IMMP2L: variants seen among roughly 807,000 people sequenced by gnomAD.
IMMP2L encodes inner mitochondrial membrane peptidase subunit 2.
IMMP2L carries 18 observed loss-of-function variants against 19.3 expected under a neutral mutation model. That is an observed-to-expected ratio of 0.93 (90% CI 0.64 to 1.38). The LOEUF is 1.38. IMMP2L is among the 40% of genes most tolerant of loss of function. The probability of loss-of-function intolerance (pLI) is 0.00; values close to 1 mark genes in which losing one functional copy is unlikely to be tolerated. For synonymous variants in IMMP2L, 76 were observed against 73.0 expected (o/e 1.04, Z -0.21); for missense variants, 233 against 218.2 (o/e 1.07, Z -0.43).
intron 3 of IMMP2L, among the ~76,000 whole-genome samples, chr7:111,030,979 C>T (rs1490558133): frequency 6.9e-6 from 1 of 145,136 alleles, no homozygotes; most frequent in African/African-American, 2.5e-5. Context: ...AGGATGGGAA[C>T]CAGATTTCTC....
At chr7:110,838,239 A>G (rs1240442667) in intron 5 of IMMP2L, among the ~76,000 whole-genome samples, 2 of 152,140 alleles carry the variant, frequency 1.3e-5, no homozygotes, top group African/African-American at 2.4e-5. Context: ...AATAATATAC[A>G]TGTTCTACTA....
intron 3 of IMMP2L, among the ~76,000 whole-genome samples, chr7:111,236,744 C>T (rs1814368614): frequency 6.6e-6 from 1 of 152,112 alleles, no homozygotes; most frequent in Non-Finnish European, 1.5e-5. Context: ...CCTAGACTAC[C>T]AACATTCACC....
Position 110,877,928 on chromosome 7 carries a change from A to T in IMMP2L, c.408+8665T>A, listed in dbSNP as rs1809244561. Among the ~76,000 whole-genome samples, 1 of 152,168 alleles carries T rather than the reference A, an allele frequency of 6.6e-6. No individual in the cohort carries two copies. The highest frequency in any genetic ancestry group is 1.5e-5 in the Non-Finnish European group (1 of 68,024). On this transcript the variant is annotated intron_variant, in intron 5 of 5. Coordinates refer to ENST00000405709, the MANE Select transcript of IMMP2L (RefSeq NM_032549.4). This position sits in a 1 kb window ranked among gnomAD's most constrained non-coding sequence, Gnocchi z 4.0. ...TAAAAATAAAAAACAAAAAACAAAA[A>T]GCACAATGGATTGATTCCAAATGCC...
intron 3 of IMMP2L, among the ~76,000 whole-genome samples, chr7:110,984,141 T>C (rs1005691354): frequency 1.3e-5 from 2 of 152,014 alleles, no homozygotes; most frequent in African/African-American, 4.8e-5. Flanking sequence ...TGCAGACACA[T>C]GGGTTAGTCA....
chr7:111,497,975 T>A (rs537499858), intron 2 of IMMP2L, among the ~76,000 whole-genome samples: 1 of 152,064 alleles, frequency 6.6e-6, no homozygotes, highest in Admixed American at 6.6e-5. Context: ...TTCTATGTTT[T>A]CTAAGTTTTT....
At chr7:110,786,096 A>G (rs923236071) in intron 5 of IMMP2L, among the ~76,000 whole-genome samples, 3 of 151,980 alleles carry the variant, frequency 2.0e-5, no homozygotes, top group African/African-American at 7.2e-5. Context: ...TTAACAATAA[A>G]TATTATAAAG....
chr7:111,393,987 T>C (rs1265795571), intron 3 of IMMP2L, among the ~76,000 whole-genome samples: 1 of 152,168 alleles, frequency 6.6e-6, no homozygotes, highest in Non-Finnish European at 1.5e-5. Context: ...ATAAACTTTT[T>C]AAAAACTGAT....
chr7:110,830,872 A>G (rs1030331439), intron 5 of IMMP2L, among the ~76,000 whole-genome samples: 2 of 152,206 alleles, frequency 1.3e-5, no homozygotes, highest in Non-Finnish European at 2.9e-5. Context: ...CCATTACAGT[A>G]TATGTACAAT....
intron 5 of IMMP2L, among the ~76,000 whole-genome samples, chr7:110,784,127 C>A (rs1799917609): frequency 1.3e-5 from 2 of 151,872 alleles, no homozygotes; most frequent in African/African-American, 4.8e-5. Flanking sequence ...AACAAGAATA[C>A]AATAAGTAAT....
rs799624 is a variant in IMMP2L, at chr7:110,870,982, C to T, written c.408+15611G>A. 0.61 allele frequency among the ~76,000 whole-genome samples: 92,361 copies of T among 151,784 alleles called. 29,993 individuals carry two copies. Among genetic ancestry groups the T allele is most frequent in the East Asian group, 0.84 (4,309 of 5,118 alleles). The stretch of plus-strand genomic sequence containing the variant: ...AGCATGCAGCCCAGTTAGGAGGCCC[C>T]TGATGACCTGAATCAGTGAGGCAGC... On this transcript the variant is annotated intron_variant, in intron 5 of 5. Transcript: ENST00000405709. The surrounding 1 kb of genome is among the most constrained non-coding windows in gnomAD (Gnocchi z 4.2).
chr7:111,428,347 C>T (rs1836287030), intron 3 of IMMP2L, among the ~76,000 whole-genome samples: 1 of 151,338 alleles, frequency 6.6e-6, no homozygotes. Context: ...TAGGGGGTTT[C>T]AATTGTAATT....
chr7:110,813,038 G>A (rs1562991985), intron 5 of IMMP2L, among the ~76,000 whole-genome samples: 1 of 152,000 alleles, frequency 6.6e-6, no homozygotes, highest in Non-Finnish European at 1.5e-5. Flanking sequence ...CTGAATTAGA[G>A]TTACGAGGAA....
chr7:110,944,469 G>GTGTGTGTGTGCGCGTGTGTGTGCGCGCA (rs1328130247), intron 4 of IMMP2L, among the ~76,000 whole-genome samples: 2,089 of 151,706 alleles, frequency 0.014, 26 homozygotes, highest in Non-Finnish European at 0.021. Context: ...GTGTGCGCGC[G>GTGTGTGTGTGCGCGTGTGTGTGCGCGCA]CACGTGTGTG....
intron 3 of IMMP2L, among the ~76,000 whole-genome samples, chr7:111,063,854 C>T (rs931207523): frequency 2.0e-5 from 3 of 152,178 alleles, no homozygotes. Flanking sequence ...ATATCACTAT[C>T]AGGATTTTTG....
rs37749 is a variant in IMMP2L at position 111,280,246 on chromosome 7, G to C, written c.239+206992C>G. Among the ~76,000 whole-genome samples the C allele has an allele frequency of 1.5e-3, 223 of 151,930 alleles. 6 individuals carry two copies. In the East Asian group the frequency reaches 0.035, roughly 24 times the overall value. On this transcript the variant is annotated intron_variant, in intron 3 of 5. Coordinates refer to ENST00000405709, the MANE Select transcript of IMMP2L (RefSeq NM_032549.4). ...GCATGCCAAGCTCTTCCCTATTCCC[G>C]GGACGTCACATTTGTTGTTCCCTCT...
chr7:111,023,222 T>C (rs1313223917), intron 3 of IMMP2L, among the ~76,000 whole-genome samples: 3 of 152,208 alleles, frequency 2.0e-5, no homozygotes, highest in Non-Finnish European at 4.4e-5. Flanking sequence ...TAAGGGATTA[T>C]TGAAAGTAAG....
intron 3 of IMMP2L, among the ~76,000 whole-genome samples, chr7:111,482,476 C>T (rs1842276684): frequency 6.6e-6 from 1 of 152,072 alleles, no homozygotes; most frequent in Non-Finnish European, 1.5e-5. Flanking sequence ...AGCCCCCCAT[C>T]GTCCTTCCTT....
intron 3 of IMMP2L, among the ~76,000 whole-genome samples, chr7:111,161,377 C>T (rs1805246749): frequency 2.6e-5 from 4 of 151,824 alleles, no homozygotes; most frequent in Admixed American, 6.6e-5. Context: ...TACATAAAAA[C>T]ATTTCTACTG....
chr7:111,391,159 G>A (rs111590844), intron 3 of IMMP2L, among the ~76,000 whole-genome samples: 4 of 152,096 alleles, frequency 2.6e-5, no homozygotes, highest in African/African-American at 9.6e-5. Context: ...ATGTTCAAAG[G>A]ACTAAAGAAT....
Sources: gnomAD v4.1 joint callset for allele counts (sites outside exome capture counted in the v4.1 genomes callset) on GRCh38, gnomAD v4.1.1 for gene constraint, Gnocchi (gnomAD v3.1) non-coding constraint, MANE v1.5 for transcripts, NCBI Gene and HGNC (gene_info 2026-07-23, HGNC 2026-07-21) for gene names.